The following CDH13 variants were observed in gnomAD, a reference collection of about 807,000 sequenced individuals.
CDH13 encodes cadherin 13.
In CDH13, 24 loss-of-function variants were observed where a neutral mutation model predicts 63.8. That is an observed-to-expected ratio of 0.38 (90% confidence interval 0.27 to 0.53). CDH13 has a LOEUF of 0.53. Among genes scored for constraint, CDH13 ranks in the 20% least tolerant of loss-of-function variants. CDH13 has a pLI of 0.85. For missense variants in CDH13, 1,049 were observed against 903.1 expected, an observed-to-expected ratio of 1.16 and a Z score of -2.07; for synonymous variants, 503 against 355.3, an observed-to-expected ratio of 1.42 and a Z score of -4.67.
chr16:83,430,856 G>C (rs1475448165), intron 6 of CDH13, among the ~76,000 whole-genome samples: 1 of 151,206 alleles, frequency 6.6e-6, no homozygotes, highest in African/African-American at 2.4e-5. Flanking sequence ...TAGGGTACAT[G>C]TGCACATTGT....
rs995200176 is a variant in CDH13, at chr16:82,821,142, G to A, written c.46-37220G>A. 5.3e-5 allele frequency among the ~76,000 whole-genome samples: 8 copies of A among 152,274 alleles called. No individual in the cohort carries two copies. The South Asian group carries it at 1.7e-3, about 32-fold the overall frequency. On this transcript the variant is annotated intron_variant, in intron 1 of 13. Transcript: ENST00000567109. ...TTGAACTTCAGCAGCAACAACATTA[G>A]CTGAAGGTCTGTAATGCATTCACAG... is the stretch of plus-strand genomic sequence containing the variant.
chr16:82,894,081 G>C (rs1394758106), intron 2 of CDH13, among the ~76,000 whole-genome samples: 2 of 152,186 alleles, frequency 1.3e-5, no homozygotes, highest in Middle Eastern at 6.3e-3. Flanking sequence ...TTAGGAAGTA[G>C]CTCAATCCGT....
At chr16:82,816,714 T>C (rs960051169) in intron 1 of CDH13, among the ~76,000 whole-genome samples, 3 of 139,494 alleles carry the variant, frequency 2.2e-5, no homozygotes, top group East Asian at 5.9e-4. Context: ...ATGTGAAAAA[T>C]TGCATTGATC....
At chr16:83,200,665 G>A (rs1432024678) in intron 4 of CDH13, among the ~76,000 whole-genome samples, 1 of 152,144 alleles carries the variant, frequency 6.6e-6, no homozygotes, top group African/African-American at 2.4e-5. Context: ...CGAAACTTGA[G>A]AGGAACTTAA....
intron 7 of CDH13, among the ~76,000 whole-genome samples, chr16:83,581,896 C>A (rs8053692): frequency 0.69 from 104,382 of 152,070 alleles, 36,576 homozygotes; most frequent in Non-Finnish European, 0.76. Context: ...TCATCTCCTC[C>A]TTAGCACATA....
chr16:82,986,568 G>A (rs1003848285), intron 2 of CDH13, among the ~76,000 whole-genome samples: 1 of 152,106 alleles, frequency 6.6e-6, no homozygotes, highest in African/African-American at 2.4e-5. Context: ...CTCTAAGCTG[G>A]GCCTCTGCTG....
chr16:83,561,963 G>A (rs575063882), intron 7 of CDH13, among the ~76,000 whole-genome samples: 2 of 152,276 alleles, frequency 1.3e-5, no homozygotes, highest in South Asian at 4.1e-4. Flanking sequence ...TCACAAATTG[G>A]AATCCAGTGG....
intron 11 of CDH13, among the ~76,000 whole-genome samples, chr16:83,753,804 C>A (rs1567573685): frequency 6.6e-6 from 1 of 151,770 alleles, no homozygotes; most frequent in African/African-American, 2.4e-5. Context: ...AGTGTCCCCA[C>A]TGTGAAACTA....
chr16:82,770,879 T>C (rs2035235125), intron 1 of CDH13, among the ~76,000 whole-genome samples: 1 of 152,066 alleles, frequency 6.6e-6, no homozygotes, highest in South Asian at 2.1e-4. Flanking sequence ...GGCTAATGTT[T>C]TGTATTTTAG....
intron 1 of CDH13, among the ~76,000 whole-genome samples, chr16:82,724,048 C>G (rs2032944854): frequency 6.6e-6 from 1 of 152,144 alleles, no homozygotes; most frequent in South Asian, 2.1e-4. Flanking sequence ...ACTCTCTGAG[C>G]CTTTCTTGGA....
At chr16:82,809,911 A>G (rs1026992666) in intron 1 of CDH13, among the ~76,000 whole-genome samples, 2 of 152,176 alleles carry the variant, frequency 1.3e-5, no homozygotes, top group African/African-American at 4.8e-5. Flanking sequence ...TTAAGAAAAA[A>G]AAAGGGACAG....
rs532129263 is a variant in CDH13, at chr16:82,927,918, C to T, written c.157+69445C>T. ...TCTTGAACCCTTCTTAAATAGCAGTCATTGTATTAGATATTGGGGCTATAA... is the reference window on the plus strand; with the variant it reads ...TCTTGAACCCTTCTTAAATAGCAGTTATTGTATTAGATATTGGGGCTATAA... On this transcript the variant is annotated intron_variant, in intron 2 of 13. Coordinates refer to ENST00000567109, the MANE Select transcript of CDH13 (RefSeq NM_001257.5). 5.4e-4 allele frequency among the ~76,000 whole-genome samples: 82 copies of T among 152,230 alleles called. 1 individual carries two copies. In the Middle Eastern group the frequency reaches 0.014, roughly 25 times the overall value.
At chr16:83,198,946 C>T in intron 4 of CDH13, among the ~76,000 whole-genome samples, 1 of 152,112 alleles carries the variant, frequency 6.6e-6, no homozygotes, top group East Asian at 1.9e-4. Flanking sequence ...GGGGATGTTG[C>T]ATTTTTTGCT....
chr16:83,593,634 G>C (rs1377965080), intron 7 of CDH13, among the ~76,000 whole-genome samples: 1 of 151,772 alleles, frequency 6.6e-6, no homozygotes, highest in Non-Finnish European at 1.5e-5. Context: ...TATTTGTCCT[G>C]TAATAATTGT....
Position 82,913,523 on chromosome 16 carries a change from A to G in CDH13, c.157+55050A>G, listed in dbSNP as rs147135224. The stretch of plus-strand genomic sequence containing the variant: ...TTTACTTTCTGTGAATAAGGCCATC[A>G]AGTTGATGGCTTGTTACTGTGGGTC... On this transcript the variant is annotated intron_variant, in intron 2 of 13. Coordinates refer to ENST00000567109, the MANE Select transcript of CDH13 (RefSeq NM_001257.5). 1.4e-3 allele frequency among the ~76,000 whole-genome samples: 216 copies of G among 152,258 alleles called. 4 individuals are homozygous for G. Among genetic ancestry groups the G allele is most frequent in the African/African-American group, 5.1e-3 (210 of 41,550 alleles).
At chr16:83,443,277 C>T (rs996943886) in intron 6 of CDH13, among the ~76,000 whole-genome samples, 2 of 152,122 alleles carry the variant, frequency 1.3e-5, no homozygotes, top group African/African-American at 4.8e-5. Flanking sequence ...GGCCACGCCT[C>T]TGAGAAAGAG....
intron 6 of CDH13, among the ~76,000 whole-genome samples, chr16:83,404,314 A>G (rs945310416): frequency 6.6e-6 from 1 of 152,226 alleles, no homozygotes; most frequent in Non-Finnish European, 1.5e-5. Flanking sequence ...ACAGCCTTCA[A>G]TACTGGTCTG....
intron 5 of CDH13, among the ~76,000 whole-genome samples, chr16:83,228,536 A>G (rs1056429822): frequency 2.0e-5 from 3 of 152,230 alleles, no homozygotes; most frequent in Non-Finnish European, 4.4e-5. Context: ...GAGGAGGGTC[A>G]TGTTACAGGT....
At position 82,999,655 on chromosome 16, in the gene CDH13, T is replaced by C. The variant is rs148324157; in HGVS notation, c.158-32355T>C. Among the ~76,000 whole-genome samples, 853 of 152,334 alleles carry C rather than the reference T, an allele frequency of 5.6e-3. 7 individuals are homozygous for C. The highest frequency in any genetic ancestry group is 0.02 in the African/African-American group (829 of 41,572). On this transcript the variant is annotated intron_variant, in intron 2 of 13. Coordinates refer to ENST00000567109, the MANE Select transcript of CDH13 (RefSeq NM_001257.5). ...TGGCTACATAAAATTTTAATGCTTC[T>C]GTACAATAAAAACTGTATAAGTATT...
Sources: allele counts gnomAD v4.1 joint callset (sites outside exome capture counted in the v4.1 genomes callset), GRCh38; gene constraint gnomAD v4.1.1; transcripts MANE v1.5; gene names NCBI Gene and HGNC (gene_info 2026-07-23, HGNC 2026-07-21).